Variants in MAN1A2 observed in about 807,000 individuals in gnomAD.
MAN1A2 encodes the protein mannosyl-oligosaccharide 1,2-alpha-mannosidase IB.
In MAN1A2, 26 loss-of-function variants were observed where a neutral mutation model predicts 75.7. The observed-to-expected ratio is 0.34, with a 90% confidence interval of 0.25 to 0.48. The LOEUF is 0.48. MAN1A2 is among the 20% of genes least tolerant of loss of function. The pLI is 0.99. For synonymous variants in MAN1A2, 247 were observed against 264.6 expected, an observed-to-expected ratio of 0.93 and a Z score of 0.65; for missense variants, 562 against 775.5, an observed-to-expected ratio of 0.72 and a Z score of 3.27.
chr1:117,412,895 CAATACCTTAGAGA>C (rs1647869492), intron 3 of MAN1A2, among the ~76,000 whole-genome samples: 1 of 151,762 alleles, frequency 6.6e-6, no homozygotes, highest in South Asian at 2.1e-4. Flanking sequence ...CCAGAATAGT[CAATACCTTAGAGA>C]AATATGTACT....
In MAN1A2 at chr1:117,408,193, C is replaced by T. The variant is rs113239658; in HGVS notation, c.655+2548C>T. On this transcript the variant is annotated intron_variant, in intron 3 of 12. Coordinates refer to ENST00000356554, the MANE Select transcript of MAN1A2 (RefSeq NM_006699.5). The stretch of plus-strand genomic sequence containing the variant: ...CCGCAGGAGGTTGAGATGGGAGGAT[C>T]GCCTGGGGCCAGGAGTCCAAGGCTA... 6.6e-3 allele frequency among the ~76,000 whole-genome samples: 1,008 copies of T among 151,730 alleles called. 18 individuals are homozygous for T. Among genetic ancestry groups the T allele is most frequent in the African/African-American group, 0.022 (910 of 41,366 alleles).
intron 1 of MAN1A2, among the ~76,000 whole-genome samples, chr1:117,371,930 C>T (rs577749694): frequency 3.3e-5 from 5 of 149,862 alleles, no homozygotes; most frequent in South Asian, 4.3e-4. Flanking sequence ...GGGACGGGGG[C>T]GGGCATGTGC....
chr1:117,435,245 G>A (rs1648812166), intron 5 of MAN1A2, among the ~76,000 whole-genome samples: 2 of 152,074 alleles, frequency 1.3e-5, no homozygotes, highest in Non-Finnish European at 2.9e-5. Context: ...TGTCCAGAGA[G>A]ACAATTTAGG....
chr1:117,413,722 A>G (rs1243915897), intron 3 of MAN1A2, among the ~76,000 whole-genome samples: 1 of 151,996 alleles, frequency 6.6e-6, no homozygotes, highest in Non-Finnish European at 1.5e-5. Flanking sequence ...TGTTGAAGAC[A>G]ATGTAATATA....
intron 1 of MAN1A2, among the ~76,000 whole-genome samples, chr1:117,377,419 A>G (rs923979693): frequency 6.6e-6 from 1 of 152,214 alleles, no homozygotes; most frequent in Non-Finnish European, 1.5e-5. Context: ...ATTTATATCA[A>G]CTAACTTATA....
chr1:117,509,980 T>C (rs1183743011), intron 12 of MAN1A2, among the ~76,000 whole-genome samples: 1 of 151,752 alleles, frequency 6.6e-6, no homozygotes, highest in East Asian at 1.9e-4. Context: ...TCTCCATATA[T>C]AAGATTATAT....
intron 9 of MAN1A2, among the ~76,000 whole-genome samples, chr1:117,495,695 G>A (rs1386110740): frequency 2.0e-5 from 3 of 151,714 alleles, no homozygotes; most frequent in African/African-American, 7.3e-5. Context: ...CAAACATATG[G>A]ATACCATCTT....
chr1:117,506,135 G>T (rs1398443238), intron 12 of MAN1A2, among the ~76,000 whole-genome samples: 1 of 151,426 alleles, frequency 6.6e-6, no homozygotes, highest in Non-Finnish European at 1.5e-5. Flanking sequence ...AGATAAGTAT[G>T]GTCTCTTAAA....
chr1:117,462,969 A>G (rs1208854724), intron 7 of MAN1A2, among the ~76,000 whole-genome samples: 8 of 152,136 alleles, frequency 5.3e-5, no homozygotes, highest in South Asian at 2.1e-4. Context: ...AGATGTGAGT[A>G]GAGTCGAGAT....
intron 1 of MAN1A2, among the ~76,000 whole-genome samples, chr1:117,398,386 G>A (rs540928434): frequency 6.6e-6 from 1 of 152,186 alleles, no homozygotes; most frequent in South Asian, 2.1e-4. Flanking sequence ...AGAACTGAAA[G>A]AAGGTGGCTG....
intron 1 of MAN1A2, among the ~76,000 whole-genome samples, chr1:117,393,239 A>G (rs1487707726): frequency 6.6e-6 from 1 of 152,196 alleles, no homozygotes; most frequent in African/African-American, 2.4e-5. Flanking sequence ...TAATAACACC[A>G]TTTTAATTAA....
intron 11 of MAN1A2, among the ~76,000 whole-genome samples, chr1:117,500,231 A>T (rs972763610): frequency 6.6e-6 from 1 of 151,942 alleles, no homozygotes; most frequent in Non-Finnish European, 1.5e-5. Context: ...TGTTCAGGAA[A>T]TAAGACGTGT....
intron 8 of MAN1A2, among the ~76,000 whole-genome samples, chr1:117,485,099 A>G (rs1301209711): frequency 1.3e-5 from 2 of 152,006 alleles, no homozygotes; most frequent in Non-Finnish European, 2.9e-5. Context: ...AATCATCTTG[A>G]ATAACAAAGT....
rs1176697626 is a variant in MAN1A2 at position 117,368,092 on chromosome 1, A to G, written c.-92A>G. 1 of 1,328,444 alleles carries G rather than the reference A, an allele frequency of 7.5e-7. No homozygotes were observed. Among genetic ancestry groups the G allele is most frequent in the African/African-American group, 1.5e-5 (1 of 67,922 alleles). 82.3% of individuals were successfully genotyped at this position (1,328,444 alleles called of 1,614,324 possible). The stretch of plus-strand genomic sequence containing the variant: ...AAGAGGAGCAAAATTGAGTTTTCCC[A>G]TTTTGGCCAAGATTTTGAAGACAGT... On this transcript the variant is annotated 5_prime_UTR_variant, in exon 1 of 13. Transcript: ENST00000356554.
intron 3 of MAN1A2, among the ~76,000 whole-genome samples, chr1:117,413,381 A>G (rs1647885334): frequency 6.6e-6 from 1 of 151,970 alleles, no homozygotes; most frequent in South Asian, 2.1e-4. Flanking sequence ...GGAAGAAAAC[A>G]ATTTCTACTC....
At position 117,442,254 on chromosome 1, in the gene MAN1A2, A is replaced by G. The variant is rs749598918; in HGVS notation, c.879A>G (p.Gln293=). The change falls in exon 6 of 13, where the codon CAA becomes CAG. Residue 293 remains glutamine, a synonymous_variant. Transcript: ENST00000356554. The stretch of plus-strand genomic sequence containing the variant: ...AGATATTCAAGATTAAAGCAGTGCA[A>G]TTGGCTGAGAAACTCCTTCCTGCCT... The part of the protein sequence containing the change: ...GEEIFKIKAV[Q]LAEKLLPAFN... 97 of 1,609,070 alleles carry G rather than the reference A, an allele frequency of 6.0e-5. No homozygotes were observed. Among genetic ancestry groups the G allele is most frequent in the Non-Finnish European group, 7.7e-5 (90 of 1,175,566 alleles).
At chr1:117,450,411 G>A (rs1339949123) in intron 6 of MAN1A2, among the ~76,000 whole-genome samples, 2 of 152,184 alleles carry the variant, frequency 1.3e-5, no homozygotes, top group African/African-American at 4.8e-5. Flanking sequence ...GAGCATAGAA[G>A]TTCAGAAAAT....
At chr1:117,376,853 A>G (rs74112240) in intron 1 of MAN1A2, among the ~76,000 whole-genome samples, 21,584 of 152,232 alleles carry the variant, frequency 0.14, 1,755 homozygotes, top group South Asian at 0.22. Flanking sequence ...ACAATACAGT[A>G]TAATCACTAT....
intron 5 of MAN1A2, among the ~76,000 whole-genome samples, chr1:117,429,750 G>T (rs1394193006): frequency 1.6e-4 from 17 of 106,676 alleles, no homozygotes; most frequent in African/African-American, 2.5e-4. Flanking sequence ...CGGCTGGCCG[G>T]GCGGGGGGCT....
Sources: allele counts gnomAD v4.1 joint callset (sites outside exome capture counted in the v4.1 genomes callset), GRCh38; gene constraint gnomAD v4.1.1; transcripts MANE v1.5; gene names NCBI Gene and HGNC (gene_info 2026-07-23, HGNC 2026-07-21).